The following FMR1 variants were observed in gnomAD, a reference collection of about 807,000 sequenced individuals.
The protein encoded by FMR1 is FMRP translational regulator 1.
FMR1 carries 13 observed loss-of-function variants against 50.6 expected under a neutral mutation model. The ratio of observed to expected loss-of-function variants is 0.26; its 90% CI spans 0.17 to 0.41. The LOEUF (loss-of-function observed/expected upper bound fraction) is 0.41. Ranked by LOEUF, FMR1 falls within the 10% of genes least tolerant of loss-of-function variation. The pLI is 1.00. For synonymous variants in FMR1, 138 were observed against 164.1 expected (o/e 0.84, Z 1.22); for missense variants, 316 against 491.3 (o/e 0.64, Z 3.37).
At chrX:147,936,645 T>C in intron 10 of FMR1, 32 bp downstream of exon 10, 2 of 927,733 alleles carry the variant, frequency 2.2e-6, no homozygotes, top group Non-Finnish European at 3.1e-6. Context: ...TTGTGGCACA[T>C]ATAATAAAAG....
chrX:147,937,662 G>A, intron 11 of FMR1, 62 bp downstream of exon 11: 1 of 621,236 alleles, frequency 1.6e-6, no homozygotes. Context: ...GTCACAATTG[G>A]TATTTTGGAT....
At chrX:147,927,114 G>T (rs1449919391) in intron 3 of FMR1, among the ~76,000 whole-genome samples, 1 of 111,999 alleles carries the variant, frequency 8.9e-6, no homozygotes, top group Non-Finnish European at 1.9e-5. Flanking sequence ...TTTTGCAAGG[G>T]ATCTTAATAG....
chrX:147,929,466 C>T (rs952009156), intron 5 of FMR1, among the ~76,000 whole-genome samples: 5 of 110,169 alleles, frequency 4.5e-5, no homozygotes, highest in Non-Finnish European at 9.5e-5. Flanking sequence ...TCCCTCAAAT[C>T]GTTTAGCAGT....
At chrX:147,937,305 T>A (rs2124540233) in intron 10 of FMR1, among the ~76,000 whole-genome samples, 161 bp from the exon 11 acceptor site, 1 of 112,070 alleles carries the variant, frequency 8.9e-6, no homozygotes, top group Non-Finnish European at 1.9e-5. Flanking sequence ...GTTAAATCTT[T>A]TTTTTCTGCG....
At chrX:147,945,160 G>T in intron 15 of FMR1, 109 bp downstream of exon 15, 7 of 1,078,361 alleles carry the variant, frequency 6.5e-6, no homozygotes, top group Non-Finnish European at 8.8e-6. Context: ...CATCTCTCCC[G>T]TTTTGTGCTG....
At chrX:147,924,840 T>TA (rs1460842168) in intron 2 of FMR1, 1 of 110,288 alleles carries the variant, frequency 9.1e-6, no homozygotes, top group Admixed American at 9.8e-5. Flanking sequence ...TTTATGGATA[T>TA]AAAAAATAAT....
chrX:147,932,561 A>T lies in FMR1; in HGVS notation c.767A>T (p.Asp256Val), dbSNP rs1265219382. 8.3e-7 allele frequency: 1 copy of T among 1,208,663 alleles called. No homozygotes were observed. The highest frequency in any genetic ancestry group is 1.7e-5 in the African/African-American group (1 of 57,153). The change falls in exon 8 of 17, where the codon GAT becomes GTT. Residue 256 changes from aspartate (D) to valine (V), a missense_variant. Coordinates refer to ENST00000370475, the MANE Select transcript of FMR1 (RefSeq NM_002024.6). ...KVPGVTAIDL[D>V]EDTCTFHIYG... The stretch of plus-strand genomic sequence containing the variant: ...CCTGGGGTCACTGCTATTGATCTAG[A>T]TGAAGATACCTGCACATTTCATATT...
intron 16 of FMR1, among the ~76,000 whole-genome samples, chrX:147,946,276 C>T (rs1303671311): frequency 3.6e-5 from 4 of 112,006 alleles, no homozygotes; most frequent in African/African-American, 1.3e-4. Flanking sequence ...TGTGTCTTTG[C>T]TCCCCCAAAT....
At chrX:147,912,651 G>C (rs1265130363) in intron 1 of FMR1, 1 of 299,994 alleles carries the variant, frequency 3.3e-6, no homozygotes, top group African/African-American at 2.7e-5. Flanking sequence ...GGAGGAGCGG[G>C]GGGCGCTTCA....
intron 3 of FMR1, among the ~76,000 whole-genome samples, chrX:147,926,269 C>G (rs2043382945): frequency 9.0e-6 from 1 of 111,588 alleles, no homozygotes; most frequent in South Asian, 3.7e-4. Context: ...CTTACAGTGC[C>G]TCATATAGTT....
In FMR1 at chrX:147,949,544, A is replaced by G. The variant is rs782151729; in HGVS notation, c.*700A>G. ...ATGCTTTCCATATTTTTTTCCTTACATAAACATCAGGTTAGGCAGTATAAA... is the reference window on the plus strand; with the variant it reads ...ATGCTTTCCATATTTTTTTCCTTACGTAAACATCAGGTTAGGCAGTATAAA... On this transcript the variant is annotated 3_prime_UTR_variant, in exon 17 of 17. Coordinates refer to ENST00000370475, the MANE Select transcript of FMR1 (RefSeq NM_002024.6). 2.4e-5 allele frequency: 8 copies of G among 327,995 alleles called. No homozygotes were observed. The highest frequency in any genetic ancestry group is 1.9e-4 in the East Asian group (2 of 10,259). The allele number at this position is 327,995 out of a possible 1,213,427, so 27.0% of individuals were successfully genotyped here.
chrX:147,915,364 C>G (rs1005388705), intron 1 of FMR1, among the ~76,000 whole-genome samples: 1 of 111,553 alleles, frequency 9.0e-6, no homozygotes, highest in East Asian at 2.8e-4. Flanking sequence ...TATAAATCAA[C>G]TTGGGTAAAG....
At chrX:147,932,986 G>A (rs1302521134) in intron 9 of FMR1, among the ~76,000 whole-genome samples, 2 of 108,477 alleles carry the variant, frequency 1.8e-5, no homozygotes, top group African/African-American at 6.7e-5. Flanking sequence ...ATGCTGGTGC[G>A]CTGCACCCAC....
rs1557173908 is a variant in FMR1 at position 147,912,102 on chromosome X, C to CGGA, written c.-76_-75insAGG. 17 of 684,155 alleles carry CGGA rather than the reference C, an allele frequency of 2.5e-5. No homozygotes were observed. The highest frequency in any genetic ancestry group is 1.1e-4 in the East Asian group (1 of 9,144). The allele number at this position is 684,155 out of a possible 1,213,427, so 56.4% of individuals were successfully genotyped here. A position where few individuals can be genotyped will look rare whatever the true frequency, so the allele number is the denominator to read the frequency against. ...GCGGAGGCGGCGGCGGCGGCGGCGG[C>CGGA]GGCGGCGGCTGGGCCTCGAGCGCCC... is the stretch of plus-strand genomic sequence containing the variant. On this transcript the variant is annotated 5_prime_UTR_variant, in exon 1 of 17. Coordinates refer to ENST00000370475, the MANE Select transcript of FMR1 (RefSeq NM_002024.6).
rs1557183048 is a variant in FMR1, at chrX:147,949,715, C to G, written c.*871C>G. Reference sequence around the variant, plus strand: ...AGGCTAAAATGTTTTCAGCTAGGAACAAATCTTCCTGGTCGAAAGTTAGTA... The same window carrying G: ...AGGCTAAAATGTTTTCAGCTAGGAAGAAATCTTCCTGGTCGAAAGTTAGTA... On this transcript the variant is annotated 3_prime_UTR_variant, in exon 17 of 17. Transcript: ENST00000370475. The G allele has an allele frequency of 6.1e-6, 2 of 327,025 alleles. No homozygotes were observed. The highest frequency in any genetic ancestry group is 5.2e-5 in the South Asian group (2 of 38,280). The allele number at this position is 327,025 out of a possible 1,213,427, so 27.0% of individuals were successfully genotyped here.
chrX:147,933,325 T>C (rs1399161975), intron 9 of FMR1: 9 of 478,985 alleles, frequency 1.9e-5, no homozygotes, highest in Non-Finnish European at 2.8e-5. Context: ...TTGGGGACTT[T>C]ATGATTTGAA....
chrX:147,933,450 A>G, intron 9 of FMR1: 1 of 1,001,895 alleles, frequency 1.0e-6, no homozygotes, highest in Non-Finnish European at 1.3e-6. Context: ...TTCCAAAGCT[A>G]GAAGAAACTT....
Position 147,949,609 on chromosome X carries a change from G to A in FMR1, c.*765G>A, listed in dbSNP as rs2044273682. The A allele has an allele frequency of 3.1e-6, 1 of 327,467 alleles. No homozygotes were observed. The highest frequency in any genetic ancestry group is 2.7e-5 in the African/African-American group (1 of 37,457). The allele number at this position is 327,467 out of a possible 1,213,427, so 27.0% of individuals were successfully genotyped here. ...TTTGTTTTTGTTTTGTTGCACTGAA[G>A]TTTGATAAATAGTGTTATTGAGAGA... On this transcript the variant is annotated 3_prime_UTR_variant, in exon 17 of 17. Transcript: ENST00000370475.
chrX:147,933,458 C>A, intron 9 of FMR1: 1 of 993,593 alleles, frequency 1.0e-6, no homozygotes, highest in Non-Finnish European at 1.3e-6. Flanking sequence ...CTAGAAGAAA[C>A]TTCAGATGTC....
Sources: gnomAD v4.1 joint callset for allele counts (sites outside exome capture counted in the v4.1 genomes callset) on GRCh38, gnomAD v4.1.1 for gene constraint, MANE v1.5 for transcripts, NCBI Gene and HGNC (gene_info 2026-07-23, HGNC 2026-07-21) for gene names.